The following DUOX1 variants were observed in gnomAD, a reference collection of about 807,000 sequenced individuals.
The protein encoded by DUOX1 is dual oxidase 1.
DUOX1 carries 134 observed loss-of-function variants against 181.8 expected under a neutral mutation model. That is an observed-to-expected ratio of 0.74 (90% CI 0.64 to 0.85). The LOEUF is 0.85. Ranked by LOEUF, DUOX1 falls within the 40% of genes least tolerant of loss-of-function variation. DUOX1 has a pLI of 0.00. For missense variants in DUOX1, 1,814 were observed against 2,064.4 expected, an observed-to-expected ratio of 0.88 and a Z score of 2.35; for synonymous variants, 798 against 832.5, an observed-to-expected ratio of 0.96 and a Z score of 0.71.
intron 21 of DUOX1, among the ~76,000 whole-genome samples, chr15:45,149,743 T>G (rs567002637): frequency 1.3e-5 from 2 of 152,266 alleles, no homozygotes; most frequent in Admixed American, 1.3e-4. Context: ...TCCCAAGTAC[T>G]CCAGAGGCTG....
intron 21 of DUOX1, among the ~76,000 whole-genome samples, chr15:45,149,419 A>T (rs1896748718): frequency 6.6e-6 from 1 of 152,238 alleles, no homozygotes; most frequent in Non-Finnish European, 1.5e-5. Flanking sequence ...CACACCACAG[A>T]GTCCCAGGGA....
chr15:45,137,360 C>CAAAAAAAAAAAAAAAAAAAAAAAAAAA (rs748162336), intron 9 of DUOX1, among the ~76,000 whole-genome samples: 1 of 46,472 alleles, frequency 2.2e-5, no homozygotes, highest in African/African-American at 9.7e-5. Context: ...AACTCCATCT[C>CAAAAAAAAAAAAAAAAAAAAAAAAAAA]AAAAAAAAAA....
At position 45,135,133 on chromosome 15, in the gene DUOX1, G is replaced by C. The variant is rs377251160; in HGVS notation, c.337G>C (p.Val113Leu). Residue 113 changes from valine (V) to leucine (L), a missense_variant, in exon 5 of 34, where the codon GTG (valine) becomes CTG (leucine). By Grantham distance (32) the Val-to-Leu change is conservative. Transcript: ENST00000389037. ...TCACGTGCTTTCAGACCTGGTGAGC[G>C]TGGAAACTCCCGGCTGCCCCGCCGA... ...GYHVLSDLVSVETPGCPAEFL... is the reference protein window; with the variant it reads ...GYHVLSDLVSLETPGCPAEFL... The C allele has an allele frequency of 3.1e-6, 5 of 1,613,702 alleles. No individual in the cohort carries two copies. Among genetic ancestry groups the C allele is most frequent in the South Asian group, 2.2e-5 (2 of 91,038 alleles).
Position 45,136,608 on chromosome 15 carries a change from C to T in DUOX1, c.1005C>T (p.Pro335=), listed in dbSNP as rs776963020. 1.3e-5 allele frequency: 21 copies of T among 1,614,072 alleles called. No homozygotes were observed. The South Asian group carries it at 2.3e-4, about 18-fold the overall frequency. Residue 335 remains proline (P), a synonymous_variant, in exon 9 of 34, where the codon CCC becomes CCT. Transcript: ENST00000389037. The part of the protein sequence containing the change: ...ASEQFLSTMV[P]PGVYMRNASC... ...AGCAGTTCCTGTCCACCATGGTGCC[C>T]CCTGGCGTCTACATGAGGTGAGGGA...
intron 21 of DUOX1, chr15:45,150,182 A>G (rs2141283808): frequency 6.5e-6 from 1 of 154,970 alleles, no homozygotes; most frequent in African/African-American, 2.4e-5. Flanking sequence ...TGCATATTTT[A>G]TTATGAACAT....
At chr15:45,153,327 G>A in intron 25 of DUOX1, 53 bp from the exon 26 acceptor site, 2 of 1,481,002 alleles carry the variant, frequency 1.4e-6, no homozygotes, top group Non-Finnish European at 1.9e-6. Context: ...CTGAATGAGT[G>A]AGCACCCACC....
rs575709558 is a variant in DUOX1, at chr15:45,163,348, C to T, written c.4249-184C>T. On this transcript the variant is annotated intron_variant, in intron 31 of 33. Coordinates refer to ENST00000389037, the MANE Select transcript of DUOX1 (RefSeq NM_175940.3). ...GTCTCTCACTTCCACCTCTCTATGC[C>T]CTGGGCCAACTCCATCTCTGGCCTC... is the stretch of plus-strand genomic sequence containing the variant. 7.9e-5 allele frequency among the ~76,000 whole-genome samples: 12 copies of T among 152,326 alleles called. No individual in the cohort carries two copies. The South Asian group carries it at 1.7e-3, about 21-fold the overall frequency.
At chr15:45,160,113 T>C (rs1897060981) in intron 28 of DUOX1, among the ~76,000 whole-genome samples, 1 of 152,016 alleles carries the variant, frequency 6.6e-6, no homozygotes, top group Admixed American at 6.6e-5. Flanking sequence ...GATCATGCCA[T>C]TGCACTCCAG....
At position 45,157,577 on chromosome 15, in the gene DUOX1, G is replaced by A. The variant is rs539674277; in HGVS notation, c.3702+1648G>A. On this transcript the variant is annotated intron_variant, in intron 28 of 33. Coordinates refer to ENST00000389037, the MANE Select transcript of DUOX1 (RefSeq NM_175940.3). ...GCTCACATCTGTAATCCAGCACTTT[G>A]AGATGCCGAGGTGGGTGGATCACCT... Among the ~76,000 whole-genome samples the A allele has an allele frequency of 9.3e-4, 142 of 152,290 alleles. 3 individuals carry two copies. In the South Asian group the frequency reaches 0.028, roughly 30 times the overall value.
intron 28 of DUOX1, 57 bp downstream of exon 28, chr15:45,155,986 G>A (rs943467841): frequency 6.2e-7 from 1 of 1,600,352 alleles, no homozygotes; most frequent in Non-Finnish European, 8.6e-7. Flanking sequence ...CATTTCCAGG[G>A]AGGCAAGGAG....
intron 2 of DUOX1, among the ~76,000 whole-genome samples, chr15:45,133,440 GTGTGGCTGGCTCT>G (rs1896203711): frequency 6.6e-6 from 1 of 152,164 alleles, no homozygotes; most frequent in African/African-American, 2.4e-5. Context: ...CCGGTATGGA[GTGTGGCTGGCTCT>G]TGCTCTGTGT....
At position 45,147,651 on chromosome 15, in the gene DUOX1, C is replaced by T. The variant is rs151069906; in HGVS notation, c.2541C>T (p.Phe847=). ...AGTTCCTGGACATCCTGGTGGTCTT[C>T]ATGAAAGGTGAGGGAGGAGGGAATG... ...FREFLDILVV[F]MKGSPEEKSR... is the part of the protein sequence containing the mutation. The change falls in exon 19 of 34, where the codon TTC becomes TTT. Residue 847 remains phenylalanine, a synonymous_variant. Transcript: ENST00000389037. The T allele has an allele frequency of 6.2e-7, 1 of 1,614,110 alleles. No homozygotes were observed.
chr15:45,135,628 C>T lies in DUOX1; in HGVS notation c.650C>T (p.Ala217Val), dbSNP rs770832704. 3.2e-6 allele frequency: 5 copies of T among 1,550,554 alleles called. No individual in the cohort carries two copies. The highest frequency in any genetic ancestry group is 3.5e-6 in the Non-Finnish European group (4 of 1,148,432). The change falls in exon 6 of 34, where the codon GCG becomes GTG. Residue 217 changes from alanine (A) to valine (V), a missense_variant. Physicochemically the swap from Ala to Val is moderately conservative, Grantham distance 64 (BLOSUM62 0). Coordinates refer to ENST00000389037, the MANE Select transcript of DUOX1 (RefSeq NM_175940.3). ...RDSQNPLLMW[A>V]APDPATGQNG... ...TCGCAGAACCCCCTGCTCATGTGGGCGGCGCCCGACCCCGCCACCGGGCAG... is the reference window on the plus strand; with the variant it reads ...TCGCAGAACCCCCTGCTCATGTGGGTGGCGCCCGACCCCGCCACCGGGCAG...
Position 45,148,324 on chromosome 15 carries a change from G to GTC in DUOX1, c.2696_2697insCT (p.Val900TrpfsTer17). On this transcript the variant is annotated frameshift_variant, in exon 21 of 34. Coordinates refer to ENST00000389037, the MANE Select transcript of DUOX1 (RefSeq NM_175940.3). LOFTEE classifies it high-confidence loss of function. ...CCTGTCCAAGGCCCAGCTGGCTGAG[G>GTC]TGGTGGAGTCCATGTTCCGGGAGTC... is the stretch of plus-strand genomic sequence containing the variant. 3 of 1,614,254 alleles carry GTC rather than the reference G, an allele frequency of 1.9e-6. No homozygotes were observed. The highest frequency in any genetic ancestry group is 2.5e-6 in the Non-Finnish European group (3 of 1,180,050).
chr15:45,133,816 C>G, intron 2 of DUOX1, 48 bp from the exon 3 acceptor site: 1 of 1,559,388 alleles, frequency 6.4e-7, no homozygotes, highest in South Asian at 1.1e-5. Flanking sequence ...TGCCTGTCCT[C>G]TCACGCACTG....
chr15:45,144,809 G>T, intron 17 of DUOX1, 86 bp from the exon 18 acceptor site: 1 of 1,420,732 alleles, frequency 7.0e-7, no homozygotes. Flanking sequence ...GGCCACCCCA[G>T]TGGCCCCTCT....
At chr15:45,155,589 ATCATGGTGACAAGGGCTATG>A in intron 27 of DUOX1, 193 bp from the exon 28 acceptor site, 3 of 590,238 alleles carry the variant, frequency 5.1e-6, no homozygotes, top group Non-Finnish European at 8.4e-6. Flanking sequence ...AAAAAAAAAA[ATCATGGTGACAAGGGCTATG>A]AAAAGTGAAC....
intron 28 of DUOX1, among the ~76,000 whole-genome samples, chr15:45,156,604 T>C (rs1235209637): frequency 6.6e-6 from 1 of 152,168 alleles, no homozygotes; most frequent in African/African-American, 2.4e-5. Flanking sequence ...GGCTAATTTT[T>C]GTATCTTTAG....
At chr15:45,137,582 T>C (rs560131563) in intron 9 of DUOX1, among the ~76,000 whole-genome samples, 7 of 152,188 alleles carry the variant, frequency 4.6e-5, no homozygotes, top group African/African-American at 1.7e-4. Context: ...AGAAGAACAA[T>C]TTTTGAATCC....
Sources: allele counts gnomAD v4.1 joint callset (sites outside exome capture counted in the v4.1 genomes callset), GRCh38; gene constraint gnomAD v4.1.1; transcripts MANE v1.5; gene names NCBI Gene and HGNC (gene_info 2026-07-23, HGNC 2026-07-21).